Variants in MCF2L2 observed in about 807,000 individuals in gnomAD.
MCF2L2 encodes probable guanine nucleotide exchange factor MCF2L2.
Under a neutral mutation model 150.2 loss-of-function variants are expected in MCF2L2, and 102 were observed. That is an observed-to-expected ratio of 0.68 (90% CI 0.58 to 0.80). The LOEUF (loss-of-function observed/expected upper bound fraction) is 0.80, where lower values mean the gene tolerates loss of function less well. MCF2L2 is among the 30% of genes least tolerant of loss of function. MCF2L2 has a pLI of 0.00. For missense variants in MCF2L2, 1,256 were observed against 1,372.8 expected (o/e 0.91, Z 1.34); for synonymous variants, 465 against 491.3 (o/e 0.95, Z 0.71).
At chr3:183,351,623 A>G (rs552251425) in intron 3 of MCF2L2, among the ~76,000 whole-genome samples, 1 of 152,266 alleles carries the variant, frequency 6.6e-6, no homozygotes, top group South Asian at 2.1e-4. Flanking sequence ...TATACTGCAC[A>G]TGGGGCTTCT....
chr3:183,388,866 T>A (rs1560052856), intron 2 of MCF2L2, among the ~76,000 whole-genome samples: 1 of 151,808 alleles, frequency 6.6e-6, no homozygotes, highest in Non-Finnish European at 1.5e-5. Context: ...AGATGTGACT[T>A]TTTTTTTAAT....
intron 3 of MCF2L2, among the ~76,000 whole-genome samples, chr3:183,360,956 C>CAAAAGAAAAGAAA (rs755085835): frequency 5.7e-5 from 5 of 88,396 alleles, no homozygotes; most frequent in African/African-American, 1.7e-4. Flanking sequence ...GAGTGAAACT[C>CAAAAGAAAAGAAA]AGAAAAGAAA....
At position 183,207,790 on chromosome 3, in the gene MCF2L2, G is replaced by A. The variant is rs751702407; in HGVS notation, c.2530C>T (p.His844Tyr). The change falls in exon 23 of 30, where the codon CAC (histidine) becomes TAC (tyrosine). Residue 844 changes from histidine (H) to tyrosine (Y), a missense_variant. Coordinates refer to ENST00000328913, the MANE Select transcript of MCF2L2 (RefSeq NM_015078.4). ...DIGKLGKLLL[H>Y]GPFSVWTIHK... is the part of the protein sequence containing the mutation. Reference sequence around the variant, plus strand: ...ATTGTCCAGACGCTGAAAGGGCCGTGCAGCAACAGCTTGCCTAGTTTTCCA... The same window carrying A: ...ATTGTCCAGACGCTGAAAGGGCCGTACAGCAACAGCTTGCCTAGTTTTCCA... The A allele has an allele frequency of 1.9e-6, 3 of 1,614,040 alleles. No individual in the cohort carries two copies.
At chr3:183,315,748 T>C (rs994236054) in intron 7 of MCF2L2, among the ~76,000 whole-genome samples, 3 of 152,084 alleles carry the variant, frequency 2.0e-5, no homozygotes, top group African/African-American at 4.8e-5. Context: ...AGAGAAACTA[T>C]AGAACACCCA....
At chr3:183,422,879 T>A (rs1259830168) in intron 1 of MCF2L2, among the ~76,000 whole-genome samples, 1 of 152,222 alleles carries the variant, frequency 6.6e-6, no homozygotes, top group Non-Finnish European at 1.5e-5. Context: ...AATGGATCCC[T>A]GGGACTCTTC....
At position 183,239,115 on chromosome 3, in the gene MCF2L2, T is replaced by C. The variant is rs375643396; in HGVS notation, c.1863-8098A>G. The stretch of plus-strand genomic sequence containing the variant: ...GTATTCAAGTAATTAAAAATAACCT[T>C]TCAGCACCAACAGCAATTTCTGTCC... On this transcript the variant is annotated intron_variant, in intron 15 of 29. Transcript: ENST00000328913. 2.0e-5 allele frequency among the ~76,000 whole-genome samples: 3 copies of C among 152,218 alleles called. No homozygotes were observed. In the East Asian group the frequency reaches 5.8e-4, roughly 29 times the overall value.
chr3:183,315,292 T>C (rs1190546880), intron 7 of MCF2L2, among the ~76,000 whole-genome samples: 1 of 152,130 alleles, frequency 6.6e-6, no homozygotes, highest in African/African-American at 2.4e-5. Flanking sequence ...ATAAAGATAA[T>C]ATTTTAAATC....
chr3:183,304,462 A>ATTTTTTTTT (rs36115279), intron 10 of MCF2L2, among the ~76,000 whole-genome samples: 3 of 114,094 alleles, frequency 2.6e-5, no homozygotes, highest in Non-Finnish European at 3.4e-5. Context: ...CTGGGCAGTG[A>ATTTTTTTTT]TTTTTTTTTT....
chr3:183,385,079 G>C (rs1210462445), intron 2 of MCF2L2, among the ~76,000 whole-genome samples: 1 of 152,044 alleles, frequency 6.6e-6, no homozygotes, highest in Non-Finnish European at 1.5e-5. Flanking sequence ...ACACAAACTA[G>C]ATTTCAAAGA....
chr3:183,324,809 T>C (rs1015249201), intron 5 of MCF2L2, among the ~76,000 whole-genome samples: 1 of 151,990 alleles, frequency 6.6e-6, no homozygotes, highest in African/African-American at 2.4e-5. Context: ...TCAACAGATA[T>C]GTATTGAACT....
intron 3 of MCF2L2, among the ~76,000 whole-genome samples, chr3:183,345,690 A>G (rs1477962608): frequency 1.3e-5 from 2 of 152,236 alleles, no homozygotes; most frequent in Non-Finnish European, 2.9e-5. Context: ...AATGAAGAAG[A>G]AAAGAGAGAA....
At chr3:183,245,907 A>G (rs1233780647) in intron 15 of MCF2L2, among the ~76,000 whole-genome samples, 1 of 152,178 alleles carries the variant, frequency 6.6e-6, no homozygotes, top group Non-Finnish European at 1.5e-5. Context: ...CTCAGTTTCT[A>G]TATTTTGTCT....
intron 24 of MCF2L2, 34 bp from the exon 25 acceptor site, chr3:183,205,988 A>G (rs763922602): frequency 1.3e-6 from 2 of 1,586,740 alleles, no homozygotes; most frequent in Admixed American, 3.3e-5. Context: ...CTATAAGACT[A>G]CCATGAGTAT....
chr3:183,216,349 A>G (rs1039701542), intron 21 of MCF2L2, among the ~76,000 whole-genome samples: 1 of 149,472 alleles, frequency 6.7e-6, no homozygotes, highest in African/African-American at 2.5e-5. Flanking sequence ...AATCATGGAA[A>G]TTATATTCCT....
chr3:183,179,918 G>A lies in MCF2L2; in HGVS notation c.3105+153C>T, dbSNP rs1721459015. Among the ~76,000 whole-genome samples the A allele has an allele frequency of 6.6e-6, 1 of 152,188 alleles. No homozygotes were observed. Among genetic ancestry groups the A allele is most frequent in the Admixed American group, 6.5e-5 (1 of 15,282 alleles). On this transcript the variant is annotated intron_variant, in intron 28 of 29. Coordinates refer to ENST00000328913, the MANE Select transcript of MCF2L2 (RefSeq NM_015078.4). This position sits in a 1 kb window ranked among gnomAD's most constrained non-coding sequence, Gnocchi z 4.2. Reference sequence around the variant, plus strand: ...TAGGAGGGTCAGAGCCAGTTTGAGGGTCTGGTGACCTCGGCTCCCTGGCTT... The same window carrying A: ...TAGGAGGGTCAGAGCCAGTTTGAGGATCTGGTGACCTCGGCTCCCTGGCTT...
In MCF2L2 at chr3:183,194,349, C is replaced by T. The variant is rs187240453; in HGVS notation, c.2918+873G>A. Among the ~76,000 whole-genome samples, 33 of 152,220 alleles carry T rather than the reference C, an allele frequency of 2.2e-4. 1 individual carries two copies. Among genetic ancestry groups the T allele is most frequent in the Admixed American group, 1.8e-3 (28 of 15,274 alleles). Reference sequence around the variant, plus strand: ...GGAATTATAGACGAAGATTGTAAGTCGCAGTAATAGATGAGGCAAGGAGCA... The same window carrying T: ...GGAATTATAGACGAAGATTGTAAGTTGCAGTAATAGATGAGGCAAGGAGCA... On this transcript the variant is annotated intron_variant, in intron 26 of 29. Transcript: ENST00000328913.
At chr3:183,231,652 T>A (rs1251796529) in intron 15 of MCF2L2, among the ~76,000 whole-genome samples, 1 of 149,396 alleles carries the variant, frequency 6.7e-6, no homozygotes, top group African/African-American at 2.5e-5. Flanking sequence ...AGAGATGAGG[T>A]CTTGCTATGT....
chr3:183,302,285 T>C (rs1488585638), intron 10 of MCF2L2, among the ~76,000 whole-genome samples: 1 of 152,216 alleles, frequency 6.6e-6, no homozygotes, highest in East Asian at 1.9e-4. Context: ...CTAATACAGC[T>C]ACATGCAGAA....
chr3:183,314,922 T>C lies in MCF2L2; in HGVS notation c.753+3146A>G, dbSNP rs1363571661. Among the ~76,000 whole-genome samples the C allele has an allele frequency of 4.5e-5, 4 of 89,500 alleles. 1 individual carries two copies. Among genetic ancestry groups the C allele is most frequent in the African/African-American group, 2.2e-4 (4 of 18,382 alleles). 58.7% of individuals were successfully genotyped at this position (89,500 alleles called of 152,430 possible). A position where few individuals can be genotyped will look rare whatever the true frequency, so the allele number is the denominator to read the frequency against. On this transcript the variant is annotated intron_variant, in intron 7 of 29. Transcript: ENST00000328913. ...TTTTTCTTTTCTTTTTTTTTTTTTTTTTTTTTTTTTTTTTTTTTTTTTTTT... is the reference window on the plus strand; with the variant it reads ...TTTTTCTTTTCTTTTTTTTTTTTTTCTTTTTTTTTTTTTTTTTTTTTTTTT...
Sources: gnomAD v4.1 joint callset for allele counts (sites outside exome capture counted in the v4.1 genomes callset) on GRCh38, gnomAD v4.1.1 for gene constraint, Gnocchi (gnomAD v3.1) non-coding constraint, MANE v1.5 for transcripts, NCBI Gene and HGNC (gene_info 2026-07-23, HGNC 2026-07-21) for gene names.